Variants in ATF7IP observed in about 807,000 individuals in gnomAD.
ATF7IP encodes the protein activating transcription factor 7-interacting protein 1.
Under a neutral mutation model 106.4 loss-of-function variants are expected in ATF7IP, and 23 were observed. The observed-to-expected ratio is 0.22, with a 90% CI of 0.16 to 0.31. The LOEUF (loss-of-function observed/expected upper bound fraction) is 0.31. ATF7IP is among the 10% of genes least tolerant of loss of function. ATF7IP has a pLI of 1.00. For synonymous variants in ATF7IP, 542 were observed against 539.0 expected (o/e 1.01, Z -0.08); for missense variants, 1,334 against 1,524.3 (o/e 0.88, Z 2.08).
At chr12:14,435,756 G>A (rs112911424) in intron 3 of ATF7IP, among the ~76,000 whole-genome samples, 1 of 152,146 alleles carries the variant, frequency 6.6e-6, no homozygotes. Flanking sequence ...TTTTGTCAGA[G>A]GATTCATGTG....
At chr12:14,367,350 G>A (rs923760368) in intron 1 of ATF7IP, 1 of 151,996 alleles carries the variant, frequency 6.6e-6, no homozygotes, top group Non-Finnish European at 1.5e-5. Flanking sequence ...AGATAGAATG[G>A]AGGTAGGAAA....
intron 1 of ATF7IP, among the ~76,000 whole-genome samples, chr12:14,398,294 T>C (rs1173177802): frequency 6.6e-6 from 1 of 151,996 alleles, no homozygotes; most frequent in Non-Finnish European, 1.5e-5. Flanking sequence ...GCTATCAGTT[T>C]TAATCTGAAT....
chr12:14,371,769 T>C (rs1293587366), intron 1 of ATF7IP, among the ~76,000 whole-genome samples: 1 of 152,120 alleles, frequency 6.6e-6, no homozygotes, highest in African/African-American at 2.4e-5. Flanking sequence ...TTTAACCTAT[T>C]TCAGAAGGGA....
At chr12:14,434,205 A>G in intron 2 of ATF7IP, 132 bp from the exon 3 acceptor site, 1 of 596,624 alleles carries the variant, frequency 1.7e-6, no homozygotes. Flanking sequence ...TCCCCTCCCC[A>G]AATTTTACAT....
intron 6 of ATF7IP, among the ~76,000 whole-genome samples, chr12:14,449,339 C>T (rs752957113): frequency 6.6e-5 from 10 of 151,898 alleles, no homozygotes; most frequent in Non-Finnish European, 1.2e-4. Context: ...CAGAGTCCAT[C>T]TTCTTTCTTT....
intron 1 of ATF7IP, among the ~76,000 whole-genome samples, chr12:14,369,495 G>A (rs1938447091): frequency 2.0e-5 from 3 of 152,036 alleles, no homozygotes; most frequent in Admixed American, 2.0e-4. Flanking sequence ...GATTACAGGC[G>A]TGCACCACCA....
intron 13 of ATF7IP, among the ~76,000 whole-genome samples, chr12:14,494,401 A>G (rs1410566747): frequency 7.1e-6 from 1 of 141,144 alleles, no homozygotes; most frequent in African/African-American, 2.6e-5. Context: ...TATATACTAT[A>G]TATAAACTAA....
chr12:14,372,993 G>A (rs114689495), intron 1 of ATF7IP, among the ~76,000 whole-genome samples: 2,721 of 152,224 alleles, frequency 0.018, 86 homozygotes, highest in African/African-American at 0.062. Context: ...TTTGTAGAAG[G>A]ATAAAGCTAA....
At chr12:14,476,102 T>A in intron 11 of ATF7IP, 134 bp downstream of exon 11, 1 of 706,142 alleles carries the variant, frequency 1.4e-6, no homozygotes, top group Non-Finnish European at 2.3e-6. Context: ...GAATGGAAGT[T>A]TTTTAGATTA....
At chr12:14,491,962 A>G (rs1258408828) in intron 13 of ATF7IP, among the ~76,000 whole-genome samples, 4 of 152,212 alleles carry the variant, frequency 2.6e-5, no homozygotes, top group African/African-American at 9.6e-5. Flanking sequence ...TGATGGTGGC[A>G]CTAATCTCAG....
chr12:14,383,778 T>G (rs75492869), intron 1 of ATF7IP, among the ~76,000 whole-genome samples: 2,361 of 152,280 alleles, frequency 0.016, 24 homozygotes, highest in Non-Finnish European at 0.019. Context: ...GCCACGCAGG[T>G]CTCAAACTCC....
chr12:14,371,521 TA>T (rs1446054637), intron 1 of ATF7IP, among the ~76,000 whole-genome samples: 1 of 151,996 alleles, frequency 6.6e-6, no homozygotes, highest in African/African-American at 2.4e-5. Flanking sequence ...AGATGAGGAG[TA>T]AAAAATTAGA....
chr12:14,406,536 A>T (rs914072802), intron 1 of ATF7IP, among the ~76,000 whole-genome samples: 6 of 152,016 alleles, frequency 3.9e-5, no homozygotes, highest in Non-Finnish European at 8.8e-5. Flanking sequence ...GATATTTTAG[A>T]TATAAATATA....
chr12:14,420,674 G>A (rs754581460), intron 1 of ATF7IP, among the ~76,000 whole-genome samples: 15 of 152,128 alleles, frequency 9.9e-5, no homozygotes, highest in Non-Finnish European at 1.8e-4. Context: ...CATTTAGTGA[G>A]GGGGGATGTT....
chr12:14,412,174 G>A (rs1007514649), intron 1 of ATF7IP, among the ~76,000 whole-genome samples: 1 of 152,106 alleles, frequency 6.6e-6, no homozygotes, highest in African/African-American at 2.4e-5. Context: ...CACTGTCTAG[G>A]TTATTGTAGC....
At chr12:14,482,730 C>T (rs1944470760) in intron 13 of ATF7IP, 1 of 152,222 alleles carries the variant, frequency 6.6e-6, no homozygotes, top group Non-Finnish European at 1.5e-5. Context: ...TTGTATCCTT[C>T]AATCAAGTTG....
chr12:14,467,108 G>A (rs968989090), intron 10 of ATF7IP, among the ~76,000 whole-genome samples: 5 of 151,844 alleles, frequency 3.3e-5, no homozygotes, highest in South Asian at 2.1e-4. Context: ...TTAACCACCC[G>A]GTAATAGAAT....
intron 13 of ATF7IP, among the ~76,000 whole-genome samples, chr12:14,492,895 T>C (rs1352047718): frequency 6.6e-6 from 1 of 152,208 alleles, no homozygotes; most frequent in Non-Finnish European, 1.5e-5. Flanking sequence ...ATTCAGGTGC[T>C]GCCCTCACAA....
At chr12:14,394,298 G>T (rs552637602) in intron 1 of ATF7IP, among the ~76,000 whole-genome samples, 1 of 152,216 alleles carries the variant, frequency 6.6e-6, no homozygotes, top group South Asian at 2.1e-4. Flanking sequence ...GAATTTACGT[G>T]GTCTGTGCCA....
Sources: gnomAD v4.1 joint callset for allele counts (sites outside exome capture counted in the v4.1 genomes callset) on GRCh38, gnomAD v4.1.1 for gene constraint, MANE v1.5 for transcripts, NCBI Gene and HGNC (gene_info 2026-07-23, HGNC 2026-07-21) for gene names.